The following KHDRBS2 variants were observed in gnomAD, a reference collection of about 807,000 sequenced individuals.
KHDRBS2 encodes KH RNA binding domain containing, signal transduction associated 2, also known as KH domain-containing, RNA-binding, signal transduction-associated protein 2.
In KHDRBS2, 26 loss-of-function variants were observed where a neutral mutation model predicts 44.3. The observed-to-expected ratio is 0.59, with a 90% CI of 0.43 to 0.81. The LOEUF (loss-of-function observed/expected upper bound fraction) is 0.81, where lower values mean the gene tolerates loss of function less well. Among genes scored for constraint, KHDRBS2 ranks in the 40% least tolerant of loss-of-function variants. The pLI, the probability that KHDRBS2 is intolerant of heterozygous loss-of-function variation, is 0.00. For missense variants in KHDRBS2, 476 were observed against 433.1 expected (o/e 1.10, Z -0.88); for synonymous variants, 194 against 151.1 (o/e 1.28, Z -2.08).
intron 6 of KHDRBS2, among the ~76,000 whole-genome samples, chr6:61,869,935 C>T (rs570126294): frequency 7.4e-5 from 11 of 147,746 alleles, no homozygotes; most frequent in African/African-American, 2.8e-4. Flanking sequence ...GGCAGCCATT[C>T]GGGTAGACAC....
chr6:62,200,345 G>C (rs909355102), intron 1 of KHDRBS2, among the ~76,000 whole-genome samples: 6 of 152,116 alleles, frequency 3.9e-5, no homozygotes, highest in African/African-American at 1.4e-4. Flanking sequence ...ATCTGACAAA[G>C]GGCTAATATC....
chr6:61,660,134 C>T, the KHDRBS2 span, among the ~76,000 whole-genome samples: 7 of 151,778 alleles, frequency 4.6e-5, no homozygotes, highest in Non-Finnish European at 7.4e-5. Flanking sequence ...CAGGCGTAAA[C>T]CAGGACGTAT....
At chr6:61,856,526 T>C (rs185688735) in intron 6 of KHDRBS2, among the ~76,000 whole-genome samples, 2 of 151,496 alleles carry the variant, frequency 1.3e-5, no homozygotes, top group Admixed American at 1.3e-4. Flanking sequence ...ATGATAAAAA[T>C]AAAAATGCTT....
At chr6:61,715,290 G>T (rs931219546) in intron 7 of KHDRBS2, among the ~76,000 whole-genome samples, 12 of 151,856 alleles carry the variant, frequency 7.9e-5, no homozygotes, top group Non-Finnish European at 1.8e-4. Context: ...GAAAAAAGAT[G>T]ATTTTTTCCA....
At chr6:61,881,982 A>C (rs1405871108) in intron 6 of KHDRBS2, among the ~76,000 whole-genome samples, 2 of 152,038 alleles carry the variant, frequency 1.3e-5, no homozygotes, top group Non-Finnish European at 1.5e-5. Context: ...CATGGGCTAA[A>C]TTACAACAAA....
chr6:62,267,242 T>C (rs1055613279), intron 1 of KHDRBS2, among the ~76,000 whole-genome samples: 4 of 152,036 alleles, frequency 2.6e-5, no homozygotes, highest in East Asian at 1.9e-4. Context: ...AAAGACTTTG[T>C]TGGAAGGCCA....
intron 7 of KHDRBS2, among the ~76,000 whole-genome samples, chr6:61,705,596 T>G (rs1769392511): frequency 1.3e-5 from 2 of 151,858 alleles, no homozygotes; most frequent in Admixed American, 6.6e-5. Context: ...GTCACTCTCA[T>G]TTGTATTTGC....
intron 6 of KHDRBS2, among the ~76,000 whole-genome samples, chr6:61,855,624 C>CTTTGTTTTGTTTTGT (rs3076295): frequency 0.041 from 6,086 of 149,722 alleles, 162 homozygotes; most frequent in Middle Eastern, 0.083. Flanking sequence ...ATGCCTGGTG[C>CTTTGTTTTGTTTTGT]TTTGTTTTGT....
intron 6 of KHDRBS2, among the ~76,000 whole-genome samples, chr6:61,785,872 A>C (rs1196095291): frequency 6.6e-6 from 1 of 152,130 alleles, no homozygotes; most frequent in Non-Finnish European, 1.5e-5. Context: ...AAATGTGGTG[A>C]AACTATGCTT....
At chr6:62,068,268 G>T (rs1237427721) in intron 2 of KHDRBS2, among the ~76,000 whole-genome samples, 2 of 151,380 alleles carry the variant, frequency 1.3e-5, no homozygotes, top group African/African-American at 4.8e-5. Flanking sequence ...GTTGACTGAT[G>T]GAAAATGATA....
intron 2 of KHDRBS2, among the ~76,000 whole-genome samples, chr6:62,124,660 A>G (rs1054371534): frequency 6.6e-6 from 1 of 151,716 alleles, no homozygotes; most frequent in African/African-American, 2.4e-5. Context: ...ACTTAGGTTG[A>G]TTCCATTTCT....
rs868714236 is a variant in KHDRBS2 at position 61,901,353 on chromosome 6, G to A, written c.502C>T (p.Arg168Cys). The A allele has an allele frequency of 4.3e-6, 7 of 1,611,314 alleles. No individual in the cohort carries two copies. Among genetic ancestry groups the A allele is most frequent in the Non-Finnish European group, 5.9e-6 (7 of 1,178,964 alleles). ...GATAATTCACGTAGTTGTTCCTGAC[G>A]AATTTCATCATTGTAGTCCTGGAGA... ...FLVPDYNDEI[R>C]QEQLRELSYL... The change falls in exon 5 of 9, where the codon CGT becomes TGT. Residue 168 changes from arginine (R) to cysteine (C), a missense_variant. Arg to Cys is a radical substitution (Grantham distance 180, BLOSUM62 -3). Transcript: ENST00000281156.
intron 4 of KHDRBS2, among the ~76,000 whole-genome samples, chr6:61,936,573 A>G (rs1208599311): frequency 3.3e-5 from 5 of 151,820 alleles, no homozygotes; most frequent in Non-Finnish European, 5.9e-5. Context: ...TCTTTATTTT[A>G]CATTCCATTA....
chr6:61,562,017 G>A, the KHDRBS2 span, among the ~76,000 whole-genome samples: 181 of 152,096 alleles, frequency 1.2e-3, no homozygotes, highest in Non-Finnish European at 1.9e-3. Flanking sequence ...CAAAAAAATG[G>A]CCAAATGACC....
chr6:61,922,731 T>C (rs571575399), intron 4 of KHDRBS2, among the ~76,000 whole-genome samples: 1 of 152,228 alleles, frequency 6.6e-6, no homozygotes, highest in Non-Finnish European at 1.5e-5. Flanking sequence ...TATCTCTATA[T>C]TAAACAGCTC....
intron 4 of KHDRBS2, among the ~76,000 whole-genome samples, chr6:61,930,525 AAAAAAAAAAAAAAAAAAAAAG>A (rs1469255471): frequency 0.044 from 985 of 22,446 alleles, 26 homozygotes; most frequent in Admixed American, 0.069. Flanking sequence ...ACCGCCCCTA[AAAAAAAAAAAAAAAAAAAAAG>A]AAAAAAAAAA....
At chr6:62,060,481 A>G (rs1791514188) in intron 2 of KHDRBS2, among the ~76,000 whole-genome samples, 1 of 151,762 alleles carries the variant, frequency 6.6e-6, no homozygotes, top group Non-Finnish European at 1.5e-5. Context: ...AAGTGAAATA[A>G]TTCACTGGAT....
intron 1 of KHDRBS2, among the ~76,000 whole-genome samples, chr6:62,261,335 G>A (rs1838305728): frequency 6.6e-6 from 1 of 151,812 alleles, no homozygotes; most frequent in South Asian, 2.1e-4. Context: ...TGCACTGGAA[G>A]ATTATAATTA....
intron 6 of KHDRBS2, among the ~76,000 whole-genome samples, chr6:61,849,909 T>C (rs1295601990): frequency 6.6e-6 from 1 of 152,160 alleles, no homozygotes; most frequent in African/African-American, 2.4e-5. Context: ...TATCCAAAAC[T>C]ATTTTAATTT....
Sources: allele counts gnomAD v4.1 joint callset (sites outside exome capture counted in the v4.1 genomes callset), GRCh38; gene constraint gnomAD v4.1.1; transcripts MANE v1.5; gene names NCBI Gene and HGNC (gene_info 2026-07-23, HGNC 2026-07-21).